B3GALT5: variants seen among roughly 807,000 people sequenced by gnomAD.
B3GALT5 encodes beta-1,3-galactosyltransferase 5.
For missense variants in B3GALT5, 328 were observed against 396.6 expected (o/e 0.83, Z 1.47); for synonymous variants, 156 against 158.6 (o/e 0.98, Z 0.12).
chr21:39,623,388 G>C (rs2079148195), intron 1 of B3GALT5, among the ~76,000 whole-genome samples: 1 of 151,446 alleles, frequency 6.6e-6, no homozygotes, highest in African/African-American at 2.4e-5. Flanking sequence ...TAAATTTAAT[G>C]ATATATTTGA....
At chr21:39,640,113 A>G (rs1462127704) in intron 1 of B3GALT5, among the ~76,000 whole-genome samples, 1 of 152,110 alleles carries the variant, frequency 6.6e-6, no homozygotes, top group East Asian at 1.9e-4. Flanking sequence ...CATTTGATAG[A>G]TGAGGAAAGC....
intron 1 of B3GALT5, among the ~76,000 whole-genome samples, chr21:39,618,616 T>C (rs1271195283): frequency 6.6e-6 from 1 of 152,204 alleles, no homozygotes; most frequent in Non-Finnish European, 1.5e-5. Context: ...CCTGTTCATG[T>C]ATTTTGATCA....
At position 39,661,433 on chromosome 21, in the gene B3GALT5, C is replaced by T; in HGVS notation, c.874C>T (p.Leu292Phe). ...CTGCCACTTCATCAAGCCTCGGACT[C>T]TCTTGGACTACTGGCAGGCTCTAGA... ...VACHFIKPRTLLDYWQALENS... is the reference protein window; with the variant it reads ...VACHFIKPRTFLDYWQALENS... The change falls in exon 4 of 4, where the codon CTC becomes TTC. Residue 292 changes from leucine (L) to phenylalanine (F), a missense_variant. By Grantham distance (22) the Leu-to-Phe change is conservative. Coordinates refer to ENST00000684187, the MANE Select transcript of B3GALT5 (RefSeq NM_001356336.2). This position sits in a 1 kb window ranked among gnomAD's most constrained non-coding sequence, Gnocchi z 4.7. The T allele has an allele frequency of 2.6e-6, 4 of 1,535,592 alleles. No individual in the cohort carries two copies. The highest frequency in any genetic ancestry group is 2.6e-6 in the Non-Finnish European group (3 of 1,143,296).
At chr21:39,625,913 C>T (rs566657521) in intron 1 of B3GALT5, among the ~76,000 whole-genome samples, 1 of 151,974 alleles carries the variant, frequency 6.6e-6, no homozygotes, top group Non-Finnish European at 1.5e-5. Flanking sequence ...TTCAGTGAAC[C>T]CCTAACTCTT....
In B3GALT5 at chr21:39,663,920, C is replaced by G. The variant is rs548216832; in HGVS notation, c.*2428C>G. The G allele has an allele frequency of 6.6e-6, 1 of 152,350 alleles. No individual in the cohort carries two copies. Among genetic ancestry groups the G allele is most frequent in the African/African-American group, 2.4e-5 (1 of 41,458 alleles). 9.4% of individuals were successfully genotyped at this position (152,350 alleles called of 1,614,324 possible). A position where few individuals can be genotyped will look rare whatever the true frequency, so the allele number is the denominator to read the frequency against. On this transcript the variant is annotated 3_prime_UTR_variant, in exon 4 of 4. Transcript: ENST00000684187. ...AGTGCTTCCCCAGGAACACCCAGCG[C>G]TAGCTCCAGAGTGGGAATGGAGAGG...
chr21:39,668,345 G>A lies in B3GALT5; in HGVS notation c.*6853G>A, dbSNP rs2079596871. 2 of 152,224 alleles carry A rather than the reference G, an allele frequency of 1.3e-5. No homozygotes were observed. Among genetic ancestry groups the A allele is most frequent in the African/African-American group, 4.8e-5 (2 of 41,442 alleles). The allele number at this position is 152,224 out of a possible 1,614,324, so 9.4% of individuals were successfully genotyped here. A position where few individuals can be genotyped will look rare whatever the true frequency, so the allele number is the denominator to read the frequency against. On this transcript the variant is annotated 3_prime_UTR_variant, in exon 4 of 4. Transcript: ENST00000684187. Reference sequence around the variant, plus strand: ...CTCCAAGACCACCATTGCAGACCCAGGCTCTAAGCTAGCCTCTGCAAACTC... The same window carrying A: ...CTCCAAGACCACCATTGCAGACCCAAGCTCTAAGCTAGCCTCTGCAAACTC...
chr21:39,649,557 C>T (rs1186182902), intron 2 of B3GALT5, among the ~76,000 whole-genome samples: 1 of 152,114 alleles, frequency 6.6e-6, no homozygotes, highest in Non-Finnish European at 1.5e-5. Context: ...CAGTATAGAG[C>T]CGGGCTTAAT....
chr21:39,638,278 G>A (rs2079243553), intron 1 of B3GALT5, among the ~76,000 whole-genome samples: 1 of 152,152 alleles, frequency 6.6e-6, no homozygotes, highest in Non-Finnish European at 1.5e-5. Flanking sequence ...AAAACCCCAA[G>A]ACCCTAGCAG....
At chr21:39,626,973 A>C (rs905301693) in intron 1 of B3GALT5, among the ~76,000 whole-genome samples, 3 of 152,154 alleles carry the variant, frequency 2.0e-5, no homozygotes, top group Non-Finnish European at 4.4e-5. Context: ...GGCTGGACCT[A>C]AGAGCTCATT....
In B3GALT5 at chr21:39,661,605, C is replaced by A; in HGVS notation, c.*113C>A. ...GATGCTGTTCTTCAGTGCTGAAATC[C>A]ACGCCAGAATGTCGGTGTTCATGAA... On this transcript the variant is annotated 3_prime_UTR_variant, in exon 4 of 4. Transcript: ENST00000684187. The surrounding 1 kb of genome is among the most constrained non-coding windows in gnomAD (Gnocchi z 4.7). The A allele has an allele frequency of 1.9e-6, 2 of 1,040,868 alleles. No individual in the cohort carries two copies. The highest frequency in any genetic ancestry group is 2.7e-5 in the South Asian group (1 of 36,574). The allele number at this position is 1,040,868 out of a possible 1,614,324, so 64.5% of individuals were successfully genotyped here. A position where few individuals can be genotyped will look rare whatever the true frequency, so the allele number is the denominator to read the frequency against.
chr21:39,614,403 A>G (rs1838018423), intron 1 of B3GALT5, among the ~76,000 whole-genome samples: 1 of 152,186 alleles, frequency 6.6e-6, no homozygotes, highest in Non-Finnish European at 1.5e-5. Flanking sequence ...AGGCCCATGG[A>G]CGTTACCTCC....
chr21:39,639,391 C>CTCT (rs2079263770), intron 1 of B3GALT5, among the ~76,000 whole-genome samples: 15 of 81,762 alleles, frequency 1.8e-4, no homozygotes, highest in Admixed American at 3.9e-4. Flanking sequence ...TCCTTCCTTC[C>CTCT]TTCTTTCTTT....
At chr21:39,651,564 A>T (rs596958) in intron 2 of B3GALT5, among the ~76,000 whole-genome samples, 1 of 152,234 alleles carries the variant, frequency 6.6e-6, no homozygotes, top group Non-Finnish European at 1.5e-5. Context: ...CTGAAACTTA[A>T]TGTGGAGCCT....
Position 39,670,585 on chromosome 21 carries a change from T to A in B3GALT5, c.*9093T>A, listed in dbSNP as rs2079618585. ...CAGTTCCAGACATCTCTGAAGGATG[T>A]GACACCAACTTTCAGGCAGAACATT... is the stretch of plus-strand genomic sequence containing the variant. On this transcript the variant is annotated 3_prime_UTR_variant, in exon 4 of 4. Coordinates refer to ENST00000684187, the MANE Select transcript of B3GALT5 (RefSeq NM_001356336.2). 1 of 152,228 alleles carries A rather than the reference T, an allele frequency of 6.6e-6. No homozygotes were observed. Among genetic ancestry groups the A allele is most frequent in the Non-Finnish European group, 1.5e-5 (1 of 68,044 alleles). 9.4% of individuals were successfully genotyped at this position (152,228 alleles called of 1,614,324 possible). A position where few individuals can be genotyped will look rare whatever the true frequency, so the allele number is the denominator to read the frequency against.
chr21:39,620,048 A>C (rs2079126445), intron 1 of B3GALT5, among the ~76,000 whole-genome samples: 1 of 151,982 alleles, frequency 6.6e-6, no homozygotes, highest in Admixed American at 6.6e-5. Context: ...CTGGTCTCGA[A>C]CCCCTGGCCT....
chr21:39,630,811 G>A (rs1415535803), intron 1 of B3GALT5, among the ~76,000 whole-genome samples: 1 of 152,136 alleles, frequency 6.6e-6, no homozygotes, highest in Non-Finnish European at 1.5e-5. Flanking sequence ...TCAGCTCAGT[G>A]GCGATGTTTC....
At chr21:39,638,313 C>G (rs568027702) in intron 1 of B3GALT5, among the ~76,000 whole-genome samples, 3 of 152,132 alleles carry the variant, frequency 2.0e-5, no homozygotes, top group African/African-American at 7.2e-5. Context: ...GGCGGGACGT[C>G]GAGAGGAGCA....
intron 1 of B3GALT5, among the ~76,000 whole-genome samples, chr21:39,627,017 A>G (rs921181919): frequency 6.6e-6 from 1 of 151,958 alleles, no homozygotes; most frequent in Non-Finnish European, 1.5e-5. Flanking sequence ...CATATCATGG[A>G]CTTTCTTCTT....
At chr21:39,639,288 C>CCCTTTCTT (rs2079254429) in intron 1 of B3GALT5, among the ~76,000 whole-genome samples, 2 of 98,524 alleles carry the variant, frequency 2.0e-5, no homozygotes, top group East Asian at 3.4e-4. Context: ...AGGCATCTGG[C>CCCTTTCTT]TCTTTCTTTC....
Sources: allele counts gnomAD v4.1 joint callset (sites outside exome capture counted in the v4.1 genomes callset), GRCh38; gene constraint gnomAD v4.1.1; non-coding constraint Gnocchi (gnomAD v3.1); transcripts MANE v1.5; gene names NCBI Gene and HGNC (gene_info 2026-07-23, HGNC 2026-07-21).